Variants in EXOC2 observed in about 807,000 individuals in gnomAD.
The protein encoded by EXOC2 is exocyst complex component 2.
A neutral mutation model predicts 131.8 loss-of-function variants in EXOC2; 70 were observed. The observed-to-expected ratio is 0.53, with a 90% CI of 0.44 to 0.65. EXOC2 has a LOEUF of 0.65. Among genes scored for constraint, EXOC2 ranks in the 30% least tolerant of loss-of-function variants. The pLI, the probability that EXOC2 is intolerant of heterozygous loss-of-function variation, is 0.00. For missense variants in EXOC2, 923 were observed against 1,108.6 expected (o/e 0.83, Z 2.38); for synonymous variants, 411 against 398.4 (o/e 1.03, Z -0.38).
At chr6:646,524 A>G (rs1428253698) in intron 1 of EXOC2, among the ~76,000 whole-genome samples, 1 of 152,184 alleles carries the variant, frequency 6.6e-6, no homozygotes, top group Admixed American at 6.5e-5. Context: ...ATGCTTTGGT[A>G]ATATTTTGAA....
intron 5 of EXOC2, 33 bp downstream of exon 5, chr6:619,397 C>A: frequency 6.5e-7 from 1 of 1,530,466 alleles, no homozygotes; most frequent in Non-Finnish European, 9.0e-7. Context: ...CTGAGTGAAA[C>A]CCTTCACAGT....
intron 11 of EXOC2, among the ~76,000 whole-genome samples, chr6:584,604 T>C (rs1488760708): frequency 6.6e-6 from 1 of 152,238 alleles, no homozygotes; most frequent in African/African-American, 2.4e-5. Flanking sequence ...GCTCCACCAC[T>C]GTGAAGACTC....
chr6:610,669 G>A lies in EXOC2; in HGVS notation c.662-491C>T, dbSNP rs182990510. On this transcript the variant is annotated intron_variant, in intron 6 of 27. Transcript: ENST00000230449. ...AAAATCTGAAATCTGAAACATTGCT[G>A]GGTCCCAAGCATTTCAGATAATTGG... Among the ~76,000 whole-genome samples the A allele has an allele frequency of 3.2e-4, 48 of 152,306 alleles. 1 individual carries two copies. In the East Asian group the frequency reaches 8.9e-3, roughly 28 times the overall value.
chr6:566,913 C>A (rs1234539182), intron 13 of EXOC2, among the ~76,000 whole-genome samples: 1 of 152,168 alleles, frequency 6.6e-6, no homozygotes, highest in African/African-American at 2.4e-5. Flanking sequence ...GCTTGGCATA[C>A]GGCACTCCTG....
chr6:497,218 G>A, intron 25 of EXOC2, 149 bp downstream of exon 25: 1 of 647,084 alleles, frequency 1.5e-6, no homozygotes, highest in Non-Finnish European at 2.5e-6. Flanking sequence ...TGCTTCATGG[G>A]TATGGCTTAT....
intron 22 of EXOC2, among the ~76,000 whole-genome samples, chr6:537,456 G>C (rs1473230073): frequency 6.6e-6 from 1 of 151,708 alleles, no homozygotes; most frequent in Non-Finnish European, 1.5e-5. Context: ...GTACACTCGA[G>C]TTGATGGCCG....
intron 1 of EXOC2, among the ~76,000 whole-genome samples, chr6:688,562 C>G (rs1358276000): frequency 6.6e-6 from 1 of 152,182 alleles, no homozygotes; most frequent in Non-Finnish European, 1.5e-5. Context: ...AGTGGGAGGC[C>G]TGCACTTTGG....
At chr6:491,847 A>ATTG (rs1474600500) in intron 25 of EXOC2, among the ~76,000 whole-genome samples, 1 of 152,226 alleles carries the variant, frequency 6.6e-6, no homozygotes, top group Non-Finnish European at 1.5e-5. Context: ...ATATTTAAAT[A>ATTG]TTGTATACCC....
intron 21 of EXOC2, among the ~76,000 whole-genome samples, chr6:551,271 T>C (rs1436471497): frequency 1.3e-5 from 2 of 152,284 alleles, no homozygotes; most frequent in South Asian, 4.1e-4. Context: ...TGCGAACCAG[T>C]GTCTTCTGAC....
chr6:486,099 A>T lies in EXOC2; in HGVS notation c.*572T>A, dbSNP rs1465694872. On this transcript the variant is annotated 3_prime_UTR_variant, in exon 28 of 28. Transcript: ENST00000230449. ...ATCACAGACACCTGGACCACAAATA[A>T]TCTACCCCAGTTGTAATATGTATTT... 6.6e-6 allele frequency: 1 copy of T among 152,200 alleles called. No individual in the cohort carries two copies. The highest frequency in any genetic ancestry group is 2.4e-5 in the African/African-American group (1 of 41,446). 9.4% of individuals were successfully genotyped at this position (152,200 alleles called of 1,614,324 possible). A position where few individuals can be genotyped will look rare whatever the true frequency, so the allele number is the denominator to read the frequency against.
intron 1 of EXOC2, among the ~76,000 whole-genome samples, chr6:683,130 A>C (rs561790495): frequency 6.6e-6 from 1 of 152,216 alleles, no homozygotes; most frequent in Admixed American, 6.5e-5. Flanking sequence ...AACAACTCCA[A>C]GCTAAACAGA....
chr6:627,917 CT>C (rs1277812348), intron 4 of EXOC2, among the ~76,000 whole-genome samples: 1 of 152,126 alleles, frequency 6.6e-6, no homozygotes, highest in Non-Finnish European at 1.5e-5. Context: ...CACTGAAGTA[CT>C]TATTGGATAA....
chr6:548,552 T>A (rs547277382), intron 22 of EXOC2, among the ~76,000 whole-genome samples: 1 of 152,216 alleles, frequency 6.6e-6, no homozygotes, highest in Admixed American at 6.5e-5. Context: ...ACTCACTCCA[T>A]TAATTTCTAC....
At chr6:633,361 G>T (rs1347659231) in intron 2 of EXOC2, among the ~76,000 whole-genome samples, 1 of 152,004 alleles carries the variant, frequency 6.6e-6, no homozygotes, top group African/African-American at 2.4e-5. Context: ...ATTAGAAAAC[G>T]AACACCACAA....
At chr6:520,726 G>T (rs1182986931) in intron 23 of EXOC2, among the ~76,000 whole-genome samples, 3 of 27,666 alleles carry the variant, frequency 1.1e-4, no homozygotes, top group African/African-American at 4.3e-4. Flanking sequence ...AAACAACCAC[G>T]CACGGAGCGC....
At chr6:637,894 CAACT>C in intron 1 of EXOC2, 33 bp from the exon 2 acceptor site, 1 of 1,291,572 alleles carries the variant, frequency 7.7e-7, no homozygotes. Context: ...GGATTAGTAC[CAACT>C]GAGACAAGCA....
intron 1 of EXOC2, among the ~76,000 whole-genome samples, chr6:643,920 T>C (rs1436252020): frequency 4.6e-5 from 7 of 152,146 alleles, no homozygotes; most frequent in Non-Finnish European, 1.0e-4. Context: ...TGATAAATTT[T>C]ACAACTTAGA....
rs114967916 is a variant in EXOC2, at chr6:562,970, G to T, written c.1790-125C>A. 1.0e-3 allele frequency: 579 copies of T among 564,022 alleles called. 1 individual carries two copies. Among genetic ancestry groups the T allele is most frequent in the African/African-American group, 0.01 (524 of 51,666 alleles). The allele number at this position is 564,022 out of a possible 1,614,324, so 34.9% of individuals were successfully genotyped here. ...ATAGGTTTGTAAAAACTCGATGAAA[G>T]TAGGCAAAGAATATAATTTTGGTAG... is the stretch of plus-strand genomic sequence containing the variant. On this transcript the variant is annotated intron_variant, in intron 16 of 27. Transcript: ENST00000230449.
intron 13 of EXOC2, among the ~76,000 whole-genome samples, chr6:565,480 A>C (rs907757976): frequency 1.3e-5 from 2 of 152,160 alleles, no homozygotes; most frequent in African/African-American, 4.8e-5. Flanking sequence ...CTTTCCCCTT[A>C]ATGTATGGAA....
Sources: gnomAD v4.1 joint callset for allele counts (sites outside exome capture counted in the v4.1 genomes callset) on GRCh38, gnomAD v4.1.1 for gene constraint, MANE v1.5 for transcripts, NCBI Gene and HGNC (gene_info 2026-07-23, HGNC 2026-07-21) for gene names.